The following CEP128 variants were observed in gnomAD, a reference collection of about 807,000 sequenced individuals.
CEP128 encodes the protein centrosomal protein 128.
A neutral mutation model predicts 156.7 loss-of-function variants in CEP128; 132 were observed. The ratio of observed to expected loss-of-function variants is 0.84; its 90% CI spans 0.73 to 0.97. The LOEUF (loss-of-function observed/expected upper bound fraction) is 0.97. CEP128 is among the 50% of genes least tolerant of loss of function. CEP128 has a pLI of 0.00. For missense variants in CEP128, 1,252 were observed against 1,281.9 expected (o/e 0.98, Z 0.36); for synonymous variants, 469 against 448.9 (o/e 1.04, Z -0.57).
chr14:80,510,686 G>C (rs890684221), intron 23 of CEP128, among the ~76,000 whole-genome samples: 2 of 152,038 alleles, frequency 1.3e-5, no homozygotes, highest in African/African-American at 4.8e-5. Flanking sequence ...AGATCTTAGA[G>C]GAAGGGTTTT....
intron 20 of CEP128, among the ~76,000 whole-genome samples, chr14:80,570,265 G>A (rs553840759): frequency 9.2e-5 from 14 of 152,102 alleles, no homozygotes; most frequent in Non-Finnish European, 7.4e-5. Context: ...CTACAGATGC[G>A]CATCACCACG....
intron 6 of CEP128, among the ~76,000 whole-genome samples, chr14:80,901,889 C>A (rs1883581759): frequency 6.6e-6 from 1 of 152,106 alleles, no homozygotes; most frequent in African/African-American, 2.4e-5. Context: ...CCAGAGTGAT[C>A]TTTTCAAAAT....
In CEP128 at chr14:80,955,186, C is replaced by A. The variant is rs1886589067; in HGVS notation, c.-172+2992G>T. 1.3e-5 allele frequency: 3 copies of A among 236,804 alleles called. 1 individual carries two copies. In the South Asian group the frequency reaches 1.8e-4, roughly 14 times the overall value. The allele number at this position is 236,804 out of a possible 1,614,324, so 14.7% of individuals were successfully genotyped here. On this transcript the variant is annotated intron_variant, in intron 2 of 7. Coordinates refer to the CEP128 transcript ENST00000555529. ...GTCCGCCCGCGGACAGTCCACTCCG[C>A]GGGGACTTTCTCTGGATAAGGAGTG...
At chr14:80,642,089 CA>C (rs71103870) in intron 19 of CEP128, among the ~76,000 whole-genome samples, 28 of 91,454 alleles carry the variant, frequency 3.1e-4, no homozygotes, top group South Asian at 3.9e-4. Context: ...GACTCCGTTT[CA>C]AAAAAAAAAA....
In CEP128 at chr14:80,616,207, T is replaced by C. The variant is rs150051302; in HGVS notation, c.2807-35784A>G. On this transcript the variant is annotated intron_variant, in intron 19 of 24. Coordinates refer to ENST00000555265, the MANE Select transcript of CEP128 (RefSeq NM_152446.5). ...CAGTATTACATTTTTACTTGCTTGA[T>C]AGTTCATTCAGTAAGAGCTATAATA... Among the ~76,000 whole-genome samples, 621 of 152,328 alleles carry C rather than the reference T, an allele frequency of 4.1e-3. 2 individuals are homozygous for C. The highest frequency in any genetic ancestry group is 7.2e-3 in the Non-Finnish European group (492 of 68,028).
At chr14:80,930,116 AT>A (rs1338180862) in intron 2 of CEP128, among the ~76,000 whole-genome samples, 1 of 152,200 alleles carries the variant, frequency 6.6e-6, no homozygotes, top group Admixed American at 6.5e-5. Context: ...TGAGAATCTA[AT>A]GTCTGATGAC....
chr14:80,745,929 A>G (rs1277972385), intron 18 of CEP128, among the ~76,000 whole-genome samples: 1 of 151,932 alleles, frequency 6.6e-6, no homozygotes, highest in Non-Finnish European at 1.5e-5. Flanking sequence ...TCAATACAAA[A>G]ATTAATTATA....
At chr14:80,719,055 T>G (rs772525020) in intron 19 of CEP128, among the ~76,000 whole-genome samples, 1 of 152,162 alleles carries the variant, frequency 6.6e-6, no homozygotes, top group African/African-American at 2.4e-5. Context: ...AACCGGCAGA[T>G]GGCAATGAAA....
intron 9 of CEP128, among the ~76,000 whole-genome samples, chr14:80,857,910 G>T (rs1887283966): frequency 6.6e-6 from 1 of 152,068 alleles, no homozygotes; most frequent in South Asian, 2.1e-4. Context: ...ACCAAACCAG[G>T]TTGTTTAAAA....
At chr14:80,816,668 C>G (rs545092125) in intron 13 of CEP128, among the ~76,000 whole-genome samples, 4 of 152,134 alleles carry the variant, frequency 2.6e-5, no homozygotes, top group Non-Finnish European at 5.9e-5. Context: ...AAAGCTTTAC[C>G]TAAGGAGACT....
chr14:80,796,281 A>G (rs958750531), intron 13 of CEP128, among the ~76,000 whole-genome samples: 3 of 152,116 alleles, frequency 2.0e-5, no homozygotes, highest in African/African-American at 4.8e-5. Context: ...CAACATAGCG[A>G]AACTCCTGTC....
chr14:80,642,084 C>T lies in CEP128; in HGVS notation c.2807-61661G>A, dbSNP rs570646098. The stretch of plus-strand genomic sequence containing the variant: ...CAGCCTGGGCGACAGAGTGAGACTC[C>T]GTTTCAAAAAAAAAAAAGAAGAGAG... On this transcript the variant is annotated intron_variant, in intron 19 of 24. Transcript: ENST00000555265. 4.5e-3 allele frequency among the ~76,000 whole-genome samples: 22 copies of T among 4,878 alleles called. No homozygotes were observed. The East Asian group carries it at 0.088, about 19-fold the overall frequency. 3.2% of individuals were successfully genotyped at this position (4,878 alleles called of 152,430 possible). A position where few individuals can be genotyped will look rare whatever the true frequency, so the allele number is the denominator to read the frequency against.
chr14:80,792,676 G>T, intron 14 of CEP128, 84 bp downstream of exon 14: 2 of 1,016,014 alleles, frequency 2.0e-6, no homozygotes, highest in Non-Finnish European at 1.5e-6. Context: ...GTACAGTATG[G>T]CACTCAAGTG....
In CEP128 at chr14:80,564,996, T is replaced by C. The variant is rs866187613; in HGVS notation, c.2857-5694A>G. ...ATCCCTTGAACCCAGGAGGTGGAGGTTGCAGTGAGTCGAGATCACACCATT... is the reference window on the plus strand; with the variant it reads ...ATCCCTTGAACCCAGGAGGTGGAGGCTGCAGTGAGTCGAGATCACACCATT... On this transcript the variant is annotated intron_variant, in intron 20 of 24. Transcript: ENST00000555265. Among the ~76,000 whole-genome samples the C allele has an allele frequency of 4.6e-5, 7 of 151,572 alleles. No individual in the cohort carries two copies. The East Asian group carries it at 1.4e-3, about 30-fold the overall frequency.
At chr14:80,872,351 A>G (rs985307826) in intron 8 of CEP128, among the ~76,000 whole-genome samples, 1 of 152,216 alleles carries the variant, frequency 6.6e-6, no homozygotes. Context: ...TCCAATGGAC[A>G]ATTTGACATT....
chr14:80,757,042 T>A, intron 17 of CEP128, 91 bp from the exon 18 acceptor site: 1 of 809,874 alleles, frequency 1.2e-6, no homozygotes, highest in Non-Finnish European at 1.9e-6. Context: ...TCCAAAAGTT[T>A]AGTTCCCCAA....
chr14:80,678,049 A>AAATATATATATATATATATAT, intron 19 of CEP128, among the ~76,000 whole-genome samples: 1 of 98,494 alleles, frequency 1.0e-5, no homozygotes, highest in African/African-American at 3.1e-5. Context: ...ATAAAAAAAA[A>AAATATATATATATATATATAT]ATATATATAT....
intron 19 of CEP128, among the ~76,000 whole-genome samples, chr14:80,622,377 C>A (rs1282307303): frequency 6.6e-6 from 1 of 151,112 alleles, no homozygotes; most frequent in African/African-American, 2.4e-5. Flanking sequence ...CTAGGCATTA[C>A]CATTCAGGAC....
intron 19 of CEP128, among the ~76,000 whole-genome samples, chr14:80,711,308 T>TGA (rs1255628078): frequency 1.3e-5 from 2 of 151,602 alleles, no homozygotes; most frequent in East Asian, 3.9e-4. Flanking sequence ...TGTGTGTGTG[T>TGA]GTGTGTGTGT....
Sources: allele counts gnomAD v4.1 joint callset (sites outside exome capture counted in the v4.1 genomes callset), GRCh38; gene constraint gnomAD v4.1.1; transcripts MANE v1.5; gene names NCBI Gene and HGNC (gene_info 2026-07-23, HGNC 2026-07-21).